PACS1: variants seen among roughly 807,000 people sequenced by gnomAD.
PACS1 encodes phosphofurin acidic cluster sorting protein 1.
In PACS1, 24 loss-of-function variants were observed where a neutral mutation model predicts 115.0. The ratio of observed to expected loss-of-function variants is 0.21; its 90% CI spans 0.15 to 0.29. The LOEUF (loss-of-function observed/expected upper bound fraction) is 0.29. PACS1 is among the 10% of genes least tolerant of loss of function. The pLI is 1.00. For missense variants in PACS1, 838 were observed against 1,251.2 expected (o/e 0.67, Z 4.98); for synonymous variants, 453 against 504.5 (o/e 0.90, Z 1.37).
intron 1 of PACS1, among the ~76,000 whole-genome samples, chr11:66,109,930 T>C (rs930267794): frequency 6.6e-6 from 1 of 152,194 alleles, no homozygotes; most frequent in East Asian, 1.9e-4. Context: ...TGATGCAGTA[T>C]TTTGTGAAGT....
At chr11:66,193,399 G>T in intron 1 of PACS1, 87 bp from the exon 2 acceptor site, 1 of 857,764 alleles carries the variant, frequency 1.2e-6, no homozygotes, top group East Asian at 2.5e-5. Context: ...TCTTACTTCA[G>T]GTAAGGCAGA....
At chr11:66,096,209 C>CTTTTTT (rs66569530) in intron 1 of PACS1, among the ~76,000 whole-genome samples, 105 of 119,444 alleles carry the variant, frequency 8.8e-4, no homozygotes, top group East Asian at 1.7e-3. Context: ...CTTTTTCTTT[C>CTTTTTT]TTTTTTTTTT....
intron 1 of PACS1, among the ~76,000 whole-genome samples, chr11:66,152,042 G>A (rs1019162353): frequency 2.6e-5 from 4 of 152,188 alleles, no homozygotes; most frequent in Non-Finnish European, 5.9e-5. Context: ...AGACCAGCCC[G>A]GGCAACATAG....
chr11:66,201,668 T>G (rs1854800267), intron 2 of PACS1, among the ~76,000 whole-genome samples: 3 of 150,972 alleles, frequency 2.0e-5, no homozygotes, highest in Admixed American at 6.6e-5. Context: ...TTTTGTTTTT[T>G]TTTTTTCTGA....
chr11:66,152,294 C>G (rs1228098726), intron 1 of PACS1, among the ~76,000 whole-genome samples: 1 of 152,178 alleles, frequency 6.6e-6, no homozygotes, highest in South Asian at 2.1e-4. Context: ...AGAATCTGTG[C>G]CGTTGAAGAT....
chr11:66,112,784 A>G (rs1858218095), intron 1 of PACS1, among the ~76,000 whole-genome samples: 1 of 152,220 alleles, frequency 6.6e-6, no homozygotes, highest in Non-Finnish European at 1.5e-5. Context: ...TGCCTTGCTT[A>G]TTCATAGCAG....
At chr11:66,173,270 T>C (rs1380024934) in intron 1 of PACS1, among the ~76,000 whole-genome samples, 2 of 152,108 alleles carry the variant, frequency 1.3e-5, no homozygotes, top group Non-Finnish European at 1.5e-5. Context: ...ATTCCTAAAA[T>C]ATATTTTATC....
chr11:66,210,618 A>G (rs1025346655), intron 3 of PACS1, among the ~76,000 whole-genome samples, 167 bp downstream of exon 3: 3 of 152,210 alleles, frequency 2.0e-5, no homozygotes, highest in South Asian at 2.1e-4. Context: ...GGCCAAAGCA[A>G]CCCTTTAGCC....
At chr11:66,139,487 C>G (rs1565121651) in intron 1 of PACS1, among the ~76,000 whole-genome samples, 1 of 151,870 alleles carries the variant, frequency 6.6e-6, no homozygotes, top group Non-Finnish European at 1.5e-5. Context: ...CCCATCCACC[C>G]CCCTAACCCC....
At chr11:66,198,105 A>G (rs1854688974) in intron 2 of PACS1, among the ~76,000 whole-genome samples, 1 of 152,240 alleles carries the variant, frequency 6.6e-6, no homozygotes, top group African/African-American at 2.4e-5. Flanking sequence ...TTTAGAGACA[A>G]GGTCTTGCTG....
intron 1 of PACS1, among the ~76,000 whole-genome samples, chr11:66,136,352 C>CACAT (rs1202050758): frequency 1.4e-5 from 2 of 139,082 alleles, no homozygotes; most frequent in Non-Finnish European, 3.2e-5. Flanking sequence ...CACACACACA[C>CACAT]ACCAAAAACC....
Position 66,220,761 on chromosome 11 carries a change from G to A in PACS1, c.1169G>A (p.Ser390Asn). 1.2e-6 allele frequency: 2 copies of A among 1,614,040 alleles called. No homozygotes were observed. The highest frequency in any genetic ancestry group is 1.7e-6 in the Non-Finnish European group (2 of 1,179,978). The change falls in exon 9 of 24, where the codon AGC becomes AAC. Residue 390 changes from serine to asparagine, a missense_variant. Coordinates refer to ENST00000320580, the MANE Select transcript of PACS1 (RefSeq NM_018026.4). ...DSGPEMEETE[S>N]ILSTPKPKLK... Reference sequence around the variant, plus strand: ...GGCCCTGAGATGGAGGAGACAGAAAGCATCCTCAGCACGCCAAAGCCCAAG... The same window carrying A: ...GGCCCTGAGATGGAGGAGACAGAAAACATCCTCAGCACGCCAAAGCCCAAG...
At chr11:66,228,213 G>A (rs2134730608) in intron 11 of PACS1, among the ~76,000 whole-genome samples, 1 of 152,158 alleles carries the variant, frequency 6.6e-6, no homozygotes, top group South Asian at 2.1e-4. Flanking sequence ...GCTGGGCTTT[G>A]CAGGTTACGT....
intron 1 of PACS1, among the ~76,000 whole-genome samples, chr11:66,184,129 CT>C: frequency 6.6e-6 from 1 of 151,832 alleles, no homozygotes; most frequent in Middle Eastern, 3.2e-3. Flanking sequence ...AATTTGACCA[CT>C]TTGCTGTTTA....
intron 1 of PACS1, among the ~76,000 whole-genome samples, chr11:66,159,686 T>C (rs1193530758): frequency 1.3e-5 from 2 of 152,148 alleles, no homozygotes; most frequent in East Asian, 1.9e-4. Flanking sequence ...TCCACCCTTA[T>C]GAGACTGACA....
At chr11:66,107,066 G>A (rs538943505) in intron 1 of PACS1, among the ~76,000 whole-genome samples, 2 of 152,282 alleles carry the variant, frequency 1.3e-5, no homozygotes, top group Admixed American at 6.5e-5. Flanking sequence ...CAGTTGGGAA[G>A]ACATGAAGTA....
intron 7 of PACS1, chr11:66,219,538 C>T: frequency 1.5e-6 from 1 of 686,322 alleles, no homozygotes; most frequent in Non-Finnish European, 2.7e-6. Flanking sequence ...ATTCCTTCTC[C>T]CCGCAGCTGC....
chr11:66,199,861 T>C (rs1253070110), intron 2 of PACS1, among the ~76,000 whole-genome samples: 1 of 150,514 alleles, frequency 6.6e-6, no homozygotes, highest in Non-Finnish European at 1.5e-5. Flanking sequence ...CTACTAAAAA[T>C]ACAAAAAATT....
chr11:66,137,026 C>T (rs938530735), intron 1 of PACS1, among the ~76,000 whole-genome samples: 1 of 147,258 alleles, frequency 6.8e-6, no homozygotes. Flanking sequence ...CAAATTGCCC[C>T]CCCCCCCACC....
Sources: allele counts gnomAD v4.1 joint callset (sites outside exome capture counted in the v4.1 genomes callset), GRCh38; gene constraint gnomAD v4.1.1; transcripts MANE v1.5; gene names NCBI Gene and HGNC (gene_info 2026-07-23, HGNC 2026-07-21).